Variants in PHRF1 observed in about 807,000 individuals in gnomAD.
The protein encoded by PHRF1 is PHD and ring finger domains 1.
A neutral mutation model predicts 128.9 loss-of-function variants in PHRF1; 53 were observed. That is an observed-to-expected ratio of 0.41 (90% confidence interval 0.33 to 0.52). PHRF1 has a LOEUF of 0.52. Ranked by LOEUF, PHRF1 falls within the 20% of genes least tolerant of loss-of-function variation. The pLI, the probability that PHRF1 is intolerant of heterozygous loss-of-function variation, is 0.21. For synonymous variants in PHRF1, 1,178 were observed against 980.6 expected, an observed-to-expected ratio of 1.20 and a Z score of -3.76; for missense variants, 2,503 against 2,284.5, an observed-to-expected ratio of 1.10 and a Z score of -1.95.
chr11:576,726 G>C (rs1445696026), intron 1 of PHRF1, 134 bp downstream of exon 1: 1 of 147,828 alleles, frequency 6.8e-6, no homozygotes, highest in Non-Finnish European at 1.5e-5. Flanking sequence ...GGGCCGGGAG[G>C]GCGGGCGGGC....
intron 4 of PHRF1, among the ~76,000 whole-genome samples, chr11:589,388 G>A (rs1242225993): frequency 2.6e-5 from 4 of 152,208 alleles, no homozygotes; most frequent in Non-Finnish European, 5.9e-5. Context: ...GGTGCTTGAT[G>A]TGTTGTGAAG....
chr11:577,059 G>T (rs988301714), intron 1 of PHRF1, among the ~76,000 whole-genome samples: 5 of 152,226 alleles, frequency 3.3e-5, no homozygotes, highest in African/African-American at 1.2e-4. Flanking sequence ...TGACTTCGTT[G>T]CCTTGTGTCC....
Position 609,172 on chromosome 11 carries a change from C to T in PHRF1, c.3716C>T (p.Pro1239Leu). ...SPEVATADKAPLQAPPVLEVA... is the reference protein window; with the variant it reads ...SPEVATADKALLQAPPVLEVA... The stretch of plus-strand genomic sequence containing the variant: ...GAGGTGGCTACGGCCGACAAGGCCC[C>T]CCTGCAGGCTCCCCCTGTCCTGGAG... The change falls in exon 14 of 18, where the codon CCC becomes CTC. Residue 1239 changes from proline to leucine, a missense_variant. By Grantham distance (98) the Pro-to-Leu change is moderately conservative. Transcript: ENST00000264555. 6.2e-7 allele frequency: 1 copy of T among 1,606,670 alleles called. No homozygotes were observed. The highest frequency in any genetic ancestry group is 8.5e-7 in the Non-Finnish European group (1 of 1,179,098).
intron 9 of PHRF1, among the ~76,000 whole-genome samples, 165 bp downstream of exon 9, chr11:598,667 T>C (rs1855449509): frequency 6.6e-6 from 1 of 152,028 alleles, no homozygotes; most frequent in Non-Finnish European, 1.5e-5. Context: ...GCCCGGGAGG[T>C]GTGGGTCTGA....
In PHRF1 at chr11:607,867, A is replaced by G; in HGVS notation, c.2411A>G (p.Asp804Gly). The part of the protein sequence containing the change: ...PGFCNTFRPV[D>G]DKEQRKENPS... Reference sequence around the variant, plus strand: ...TTCTGTAACACGTTCCGGCCTGTGGACGATAAGGAGCAGAGGAAGGAGAAC... The same window carrying G: ...TTCTGTAACACGTTCCGGCCTGTGGGCGATAAGGAGCAGAGGAAGGAGAAC... The change falls in exon 14 of 18, where the codon GAC becomes GGC. Residue 804 changes from aspartate to glycine, a missense_variant. Physicochemically the swap from Asp to Gly is moderately conservative, Grantham distance 94. Transcript: ENST00000264555. 6.2e-7 allele frequency: 1 copy of G among 1,612,752 alleles called. No homozygotes were observed. Among genetic ancestry groups the G allele is most frequent in the Non-Finnish European group, 8.5e-7 (1 of 1,179,872 alleles).
Position 598,428 on chromosome 11 carries a change from C to G in PHRF1, c.950C>G (p.Ala317Gly), listed in dbSNP as rs374532392. 5 of 1,611,112 alleles carry G rather than the reference C, an allele frequency of 3.1e-6. No individual in the cohort carries two copies. In the African/African-American group the frequency reaches 6.7e-5, roughly 22 times the overall value. ...CTGGATGAAGCCATCGAGGCTGTGGCGACTGGCCTGAGCACTGCCGTGTAT... is the reference window on the plus strand; with the variant it reads ...CTGGATGAAGCCATCGAGGCTGTGGGGACTGGCCTGAGCACTGCCGTGTAT... ...SLLDEAIEAV[A>G]TGLSTAVYQR... The change falls in exon 9 of 18, where the codon GCG becomes GGG. Residue 317 changes from alanine (A) to glycine (G), a missense_variant. Ala to Gly is a moderately conservative substitution (Grantham distance 60). Transcript: ENST00000264555.
chr11:588,377 CT>C lies in PHRF1; in HGVS notation c.420+924del, dbSNP rs56267241. 2.1e-4 allele frequency among the ~76,000 whole-genome samples: 31 copies of C among 145,870 alleles called. 1 individual carries two copies. The highest frequency in any genetic ancestry group is 2.7e-4 in the Admixed American group (4 of 14,602). ...ACAGTAGATTCAGACTTAGACTTTT[CT>C]TTTTTTTTTTGTTTTTTTGAGACGG... On this transcript the variant is annotated intron_variant, in intron 4 of 17. Transcript: ENST00000264555.
rs113804454 is a variant in PHRF1, at chr11:609,720, C to T, written c.4264C>T (p.Arg1422Trp). 156 of 1,477,228 alleles carry T rather than the reference C, an allele frequency of 1.1e-4. No individual in the cohort carries two copies. The highest frequency in any genetic ancestry group is 4.9e-4 in the Middle Eastern group (2 of 4,098). 91.5% of individuals were successfully genotyped at this position (1,477,228 alleles called of 1,614,324 possible). A position where few individuals can be genotyped will look rare whatever the true frequency, so the allele number is the denominator to read the frequency against. The change falls in exon 14 of 18, where the codon CGG (arginine) becomes TGG (tryptophan). Residue 1422 changes from arginine to tryptophan, a missense_variant and splice_region_variant. By Grantham distance (101) the Arg-to-Trp change is moderately radical. Transcript: ENST00000264555. The stretch of plus-strand genomic sequence containing the variant: ...CGCCCCCGCCGAGGACAGAGCCCCC[C>T]GTGAGTAGTGCCCCGGCCCCCACCG... ...SSAPAEDRAP[R>W]APLHRPQKPR...
chr11:611,875 A>G lies in PHRF1; in HGVS notation c.*98A>G. The G allele has an allele frequency of 1.3e-6, 2 of 1,482,908 alleles. No individual in the cohort carries two copies. Among genetic ancestry groups the G allele is most frequent in the Non-Finnish European group, 1.8e-6 (2 of 1,119,446 alleles). The allele number at this position is 1,482,908 out of a possible 1,614,324, so 91.9% of individuals were successfully genotyped here. On this transcript the variant is annotated 3_prime_UTR_variant, in exon 18 of 18. Coordinates refer to ENST00000264555, the MANE Select transcript of PHRF1 (RefSeq NM_001286581.2). ...GTCGGGAGTGGCGGGAATCGGGGCC[A>G]TGCCCGGGGAGCTGTCGGGAGTGGC...
At chr11:610,821 T>C (rs1856336184) in intron 16 of PHRF1, 60 bp downstream of exon 16, 4 of 1,587,294 alleles carry the variant, frequency 2.5e-6, no homozygotes, top group Admixed American at 1.7e-5. Context: ...ACTAAAGTTG[T>C]TGGGGCTGAG....
At chr11:604,202 T>C (rs1453112499) in intron 10 of PHRF1, among the ~76,000 whole-genome samples, 3 of 152,226 alleles carry the variant, frequency 2.0e-5, no homozygotes, top group East Asian at 3.9e-4. Flanking sequence ...CCCATCCCTG[T>C]GCCCAGAACA....
intron 12 of PHRF1, 47 bp from the exon 13 acceptor site, chr11:606,395 A>C: frequency 6.6e-7 from 1 of 1,506,320 alleles, no homozygotes; most frequent in Non-Finnish European, 8.9e-7. Context: ...GCGGGCCCTC[A>C]GGCCGTGGGA....
Position 608,452 on chromosome 11 carries a change from C to G in PHRF1, c.2996C>G (p.Ser999Cys), listed in dbSNP as rs781232749. ...TCCCGGTCCCGCTCCACATCCAGCT[C>G]CCGCAGCAGGAAGAAGGCCAAGAGG... ...PPSRSRSTSS[S>C]RSRKKAKRKR... The change falls in exon 14 of 18, where the codon TCC (serine) becomes TGC (cysteine). Residue 999 changes from serine to cysteine, a missense_variant. Physicochemically the swap from Ser to Cys is moderately radical, Grantham distance 112. Transcript: ENST00000264555. The G allele has an allele frequency of 6.2e-7, 1 of 1,612,458 alleles. No homozygotes were observed. The highest frequency in any genetic ancestry group is 1.7e-5 in the Admixed American group (1 of 59,988).
At chr11:587,072 A>T (rs1234852813) in intron 3 of PHRF1, among the ~76,000 whole-genome samples, 187 bp from the exon 4 acceptor site, 2 of 152,216 alleles carry the variant, frequency 1.3e-5, no homozygotes, top group Non-Finnish European at 2.9e-5. Flanking sequence ...GGTTAGGTGC[A>T]GGGCAGGGCT....
Position 597,467 on chromosome 11 carries a change from G to C in PHRF1, c.791G>C (p.Arg264Pro). Residue 264 changes from arginine to proline, a missense_variant, in exon 8 of 18, where the codon CGG becomes CCG. Arg to Pro is a moderately radical substitution (Grantham distance 103, BLOSUM62 -2). Coordinates refer to ENST00000264555, the MANE Select transcript of PHRF1 (RefSeq NM_001286581.2). This position sits in a 1 kb window ranked among gnomAD's most constrained non-coding sequence, Gnocchi z 6.5. Reference sequence around the variant, plus strand: ...GTGGTGCCCACCACCAGCAGGCTTCGGCCTCGAGCAGGTAGGACCCGGGCG... The same window carrying C: ...GTGGTGCCCACCACCAGCAGGCTTCCGCCTCGAGCAGGTAGGACCCGGGCG... Reference protein sequence around the residue: ...ADVVPTTSRLRPRAGRTRAIA... With the variant: ...ADVVPTTSRLPPRAGRTRAIA... 1 of 1,612,660 alleles carries C rather than the reference G, an allele frequency of 6.2e-7. No homozygotes were observed. The highest frequency in any genetic ancestry group is 1.1e-5 in the South Asian group (1 of 90,774).
chr11:595,287 C>T (rs1855214138), intron 6 of PHRF1, among the ~76,000 whole-genome samples: 1 of 152,202 alleles, frequency 6.6e-6, no homozygotes, highest in Non-Finnish European at 1.5e-5. Context: ...TGCGCCACTG[C>T]ACTCCAGAGA....
chr11:599,156 G>A (rs753211136), intron 9 of PHRF1, among the ~76,000 whole-genome samples: 1 of 152,052 alleles, frequency 6.6e-6, no homozygotes, highest in African/African-American at 2.4e-5. Context: ...CACTGTAGAC[G>A]CATGGACTCC....
At position 609,077 on chromosome 11, in the gene PHRF1, A is replaced by G. The variant is rs1856166259; in HGVS notation, c.3621A>G (p.Ala1207=). ...AVREASPAPL[A]QGEPGREDLP... ...GGGAGGCTTCCCCAGCGCCCCTTGC[A>G]CAGGGGGAGCCAGGGCGGGAAGACC... The change falls in exon 14 of 18, where the codon GCA becomes GCG. Residue 1207 remains alanine, a synonymous_variant. Transcript: ENST00000264555. 9 of 1,602,072 alleles carry G rather than the reference A, an allele frequency of 5.6e-6. No individual in the cohort carries two copies. The highest frequency in any genetic ancestry group is 7.7e-6 in the Non-Finnish European group (9 of 1,174,872).
At chr11:611,152 A>G (rs991177229) in intron 17 of PHRF1, 70 bp downstream of exon 17, 7 of 1,590,466 alleles carry the variant, frequency 4.4e-6, no homozygotes, top group Non-Finnish European at 6.0e-6. Flanking sequence ...TCTCGTCAGC[A>G]TGGACTTTGG....
Sources: allele counts gnomAD v4.1 joint callset (sites outside exome capture counted in the v4.1 genomes callset), GRCh38; gene constraint gnomAD v4.1.1; non-coding constraint Gnocchi (gnomAD v3.1); transcripts MANE v1.5; gene names NCBI Gene and HGNC (gene_info 2026-07-23, HGNC 2026-07-21).